CCSER1: variants seen among roughly 807,000 people sequenced by gnomAD.
CCSER1 encodes the protein coiled-coil serine rich protein 1, also known as serine-rich coiled-coil domain-containing protein 1.
CCSER1 carries 41 observed loss-of-function variants against 82.0 expected under a neutral mutation model. The ratio of observed to expected loss-of-function variants is 0.50; its 90% CI spans 0.39 to 0.65. The LOEUF is 0.65. Ranked by LOEUF, CCSER1 falls within the 30% of genes least tolerant of loss-of-function variation. The pLI is 0.00. For synonymous variants in CCSER1, 414 were observed against 383.9 expected, an observed-to-expected ratio of 1.08 and a Z score of -0.92; for missense variants, 1,119 against 1,064.2, an observed-to-expected ratio of 1.05 and a Z score of -0.72.
chr4:90,494,577 A>T (rs1768673886), intron 5 of CCSER1, among the ~76,000 whole-genome samples: 1 of 152,190 alleles, frequency 6.6e-6, no homozygotes, highest in South Asian at 2.1e-4. Flanking sequence ...AAATTTGAAC[A>T]AACTACAAAA....
chr4:90,168,412 C>G lies in CCSER1; in HGVS notation c.-42+40581C>G, dbSNP rs1730944134. Among the ~76,000 whole-genome samples, 3 of 151,970 alleles carry G rather than the reference C, an allele frequency of 2.0e-5. No individual in the cohort carries two copies. The South Asian group carries it at 6.2e-4, about 32-fold the overall frequency. ...ATGAGTAGATTGAAAAAATTTTCTC[C>G]CATTCTGTAGGTTGCCTGTTCACTC... On this transcript the variant is annotated intron_variant, in intron 1 of 10. Transcript: ENST00000509176.
At chr4:90,361,647 C>A (rs1033310916) in intron 3 of CCSER1, among the ~76,000 whole-genome samples, 3 of 152,184 alleles carry the variant, frequency 2.0e-5, no homozygotes, top group African/African-American at 7.2e-5. Flanking sequence ...CAGCCCTTGC[C>A]CTCCTTTGCC....
At chr4:90,950,529 CACACACACAT>C (rs1265526375) in intron 9 of CCSER1, among the ~76,000 whole-genome samples, 11 of 149,758 alleles carry the variant, frequency 7.3e-5, no homozygotes, top group African/African-American at 2.4e-4. Flanking sequence ...CACGCGTGCA[CACACACACAT>C]ACACACACGT....
At chr4:91,169,823 G>C (rs372116546) in intron 10 of CCSER1, among the ~76,000 whole-genome samples, 18 of 151,828 alleles carry the variant, frequency 1.2e-4, no homozygotes, top group African/African-American at 4.1e-4. Flanking sequence ...TTGGTCCTGT[G>C]GCAGAAACTG....
At chr4:90,271,384 T>G (rs1416397648) in intron 1 of CCSER1, among the ~76,000 whole-genome samples, 1 of 152,086 alleles carries the variant, frequency 6.6e-6, no homozygotes, top group Non-Finnish European at 1.5e-5. Flanking sequence ...GAACATACAC[T>G]GGGGAAAGGA....
intron 10 of CCSER1, among the ~76,000 whole-genome samples, chr4:91,464,085 T>C (rs1756698026): frequency 6.6e-6 from 1 of 152,002 alleles, no homozygotes; most frequent in South Asian, 2.1e-4. Flanking sequence ...AAGGAAAAAA[T>C]GTTAAGGGCA....
intron 10 of CCSER1, among the ~76,000 whole-genome samples, chr4:91,400,280 G>A (rs1334831970): frequency 1.3e-5 from 2 of 151,596 alleles, no homozygotes; most frequent in African/African-American, 2.4e-5. Flanking sequence ...TCATTTTGTT[G>A]ATCTCACTAA....
intron 6 of CCSER1, among the ~76,000 whole-genome samples, chr4:90,640,209 G>T (rs752934447): frequency 2.6e-5 from 4 of 152,112 alleles, no homozygotes; most frequent in East Asian, 1.9e-4. Flanking sequence ...TGTTAACTTG[G>T]ATAGTCAAAG....
chr4:90,814,558 AATTT>A (rs1329514180), intron 7 of CCSER1, among the ~76,000 whole-genome samples: 2 of 152,104 alleles, frequency 1.3e-5, no homozygotes, highest in African/African-American at 4.8e-5. Context: ...TGTTTCCAAT[AATTT>A]GTTTTTGAAT....
At chr4:90,752,966 A>C (rs1748920029) in intron 7 of CCSER1, among the ~76,000 whole-genome samples, 1 of 152,100 alleles carries the variant, frequency 6.6e-6, no homozygotes, top group African/African-American at 2.4e-5. Flanking sequence ...TTACCATTTC[A>C]TCATATAAAA....
chr4:91,020,586 C>T (rs1181027350), intron 9 of CCSER1, among the ~76,000 whole-genome samples: 2 of 151,928 alleles, frequency 1.3e-5, no homozygotes, highest in Non-Finnish European at 2.9e-5. Flanking sequence ...GGCGTGAACC[C>T]AGAAGGCGGG....
chr4:90,616,714 C>A (rs1224545626), intron 5 of CCSER1, among the ~76,000 whole-genome samples: 143 of 125,560 alleles, frequency 1.1e-3, no homozygotes, highest in African/African-American at 5.0e-3. Flanking sequence ...CACACACACA[C>A]ACACACACAC....
intron 10 of CCSER1, among the ~76,000 whole-genome samples, chr4:91,444,213 G>A (rs1755401640): frequency 6.6e-6 from 1 of 152,114 alleles, no homozygotes; most frequent in African/African-American, 2.4e-5. Flanking sequence ...CTGAGAACAT[G>A]AGAATCTGAG....
At chr4:90,631,451 T>G (rs1724410349) in intron 6 of CCSER1, among the ~76,000 whole-genome samples, 1 of 152,188 alleles carries the variant, frequency 6.6e-6, no homozygotes, top group African/African-American at 2.4e-5. Flanking sequence ...AAGTTATCCT[T>G]TGTTGTTTTT....
At chr4:90,247,340 T>A (rs1446979463) in intron 1 of CCSER1, among the ~76,000 whole-genome samples, 1 of 152,146 alleles carries the variant, frequency 6.6e-6, no homozygotes, top group Admixed American at 6.6e-5. Context: ...AGGGAACTTG[T>A]CGTAGTTGTT....
intron 1 of CCSER1, among the ~76,000 whole-genome samples, chr4:90,206,095 T>C (rs1400728076): frequency 6.6e-6 from 1 of 152,162 alleles, no homozygotes; most frequent in Non-Finnish European, 1.5e-5. Flanking sequence ...TCTTTTCTTC[T>C]TTATTAGTCT....
rs1240597243 is a variant in CCSER1, at chr4:91,598,562, C to T, written c.2218-10C>T. On this transcript the variant is annotated splice_polypyrimidine_tract_variant and intron_variant, in intron 10 of 10. Transcript: ENST00000509176. Reference sequence around the variant, plus strand: ...TTAAGACATCTTTTTCTTTCTGTGTCTTACCATAGGCTACATATCGAAATC... The same window carrying T: ...TTAAGACATCTTTTTCTTTCTGTGTTTTACCATAGGCTACATATCGAAATC... 2 of 1,536,690 alleles carry T rather than the reference C, an allele frequency of 1.3e-6. No individual in the cohort carries two copies. Among genetic ancestry groups the T allele is most frequent in the Admixed American group, 2.1e-5 (1 of 48,618 alleles).
chr4:90,235,399 AC>A (rs1441577879), intron 1 of CCSER1: 1 of 152,130 alleles, frequency 6.6e-6, no homozygotes, highest in Non-Finnish European at 1.5e-5. Context: ...AAACATGTGC[AC>A]CTCGTTTTTC....
At chr4:90,151,169 C>T (rs1044367717) in intron 1 of CCSER1, among the ~76,000 whole-genome samples, 8 of 151,606 alleles carry the variant, frequency 5.3e-5, no homozygotes, top group African/African-American at 1.9e-4. Context: ...TTCAAATGTA[C>T]CTAAGAAAAT....
Sources: gnomAD v4.1 joint callset for allele counts (sites outside exome capture counted in the v4.1 genomes callset) on GRCh38, gnomAD v4.1.1 for gene constraint, MANE v1.5 for transcripts, NCBI Gene and HGNC (gene_info 2026-07-23, HGNC 2026-07-21) for gene names.